ZNF451: variants seen among roughly 807,000 people sequenced by gnomAD.
ZNF451 encodes E3 SUMO-protein ligase ZNF451.
A neutral mutation model predicts 107.1 loss-of-function variants in ZNF451; 80 were observed. The ratio of observed to expected loss-of-function variants is 0.75; its 90% CI spans 0.62 to 0.90. ZNF451 has a LOEUF of 0.90. Among genes scored for constraint, ZNF451 ranks in the 40% least tolerant of loss-of-function variants. The pLI, the probability that ZNF451 is intolerant of heterozygous loss-of-function variation, is 0.00. For missense variants in ZNF451, 1,107 were observed against 1,236.2 expected (o/e 0.90, Z 1.57); for synonymous variants, 362 against 406.5 (o/e 0.89, Z 1.32).
chr6:57,100,895 C>G, intron 3 of ZNF451: 1 of 1,550,632 alleles, frequency 6.4e-7, no homozygotes, highest in Non-Finnish European at 8.7e-7. Context: ...TCTTTGGCCT[C>G]TTCTGAGGTC....
intron 12 of ZNF451, among the ~76,000 whole-genome samples, chr6:57,153,611 C>T (rs935996573): frequency 6.6e-6 from 1 of 152,036 alleles, no homozygotes; most frequent in Non-Finnish European, 1.5e-5. Flanking sequence ...CCGCGTTTCA[C>T]CATGTTGGCC....
intron 10 of ZNF451, among the ~76,000 whole-genome samples, chr6:57,150,331 T>C (rs1832285210): frequency 1.3e-5 from 2 of 152,228 alleles, no homozygotes; most frequent in African/African-American, 4.8e-5. Flanking sequence ...ATGTTCTTAA[T>C]AGGTAACCTT....
intron 14 of ZNF451, 24 bp from the exon 15 acceptor site, chr6:57,168,398 TA>T: frequency 1.9e-6 from 3 of 1,570,306 alleles, no homozygotes; most frequent in Non-Finnish European, 2.6e-6. Flanking sequence ...CCCTAAGTGT[TA>T]AAATTCTATG....
In ZNF451 at chr6:57,148,523, G is replaced by C. The variant is rs201540741; in HGVS notation, c.2438G>C (p.Cys813Ser). The change falls in exon 10 of 15, where the codon TGC becomes TCC. Residue 813 changes from cysteine to serine, a missense_variant. Cys to Ser is a moderately radical substitution (Grantham distance 112). Coordinates refer to ENST00000370706, the MANE Select transcript of ZNF451 (RefSeq NM_001031623.3). Reference sequence around the variant, plus strand: ...CAGCAGCATTTCCATAGAAAACATTGCTTCTTACAGAAACCCAGTGTGGCT... The same window carrying C: ...CAGCAGCATTTCCATAGAAAACATTCCTTCTTACAGAAACCCAGTGTGGCT... ...SAQQHFHRKH[C>S]FLQKPSVAHF... 73 of 1,613,994 alleles carry C rather than the reference G, an allele frequency of 4.5e-5. No homozygotes were observed. In the East Asian group the frequency reaches 1.6e-3, roughly 36 times the overall value.
intron 10 of ZNF451, 30 bp from the exon 11 acceptor site, chr6:57,150,689 G>A (rs781688465): frequency 6.4e-7 from 1 of 1,566,780 alleles, no homozygotes; most frequent in South Asian, 1.2e-5. Context: ...AATTCTTACT[G>A]AACTCATGTT....
rs1410778255 is a variant in ZNF451 at position 57,106,940 on chromosome 6, ATAT to A, written c.186+7804_186+7806del. Reference sequence around the variant, plus strand: ...ATATTGAGTTTTATAAACCATTAAAATATTATTTTATGAAATTTCCCTTCCTGG... The same window carrying A: ...ATATTGAGTTTTATAAACCATTAAAATATTTTATGAAATTTCCCTTCCTGG... On this transcript the variant is annotated intron_variant, in intron 3 of 14. Coordinates refer to ENST00000370706, the MANE Select transcript of ZNF451 (RefSeq NM_001031623.3). 1.7e-5 allele frequency: 16 copies of A among 928,372 alleles called. No individual in the cohort carries two copies. In the Admixed American group the frequency reaches 3.1e-4, roughly 18 times the overall value. The allele number at this position is 928,372 out of a possible 1,614,324, so 57.5% of individuals were successfully genotyped here. A position where few individuals can be genotyped will look rare whatever the true frequency, so the allele number is the denominator to read the frequency against.
chr6:57,154,074 C>A (rs748643088), intron 13 of ZNF451, 27 bp downstream of exon 13: 1 of 1,612,894 alleles, frequency 6.2e-7, no homozygotes, highest in South Asian at 1.1e-5. Context: ...ACAGTGCAAA[C>A]CACCCAAGAG....
chr6:57,159,174 CTG>C, intron 13 of ZNF451: 1 of 985,262 alleles, frequency 1.0e-6, no homozygotes. Flanking sequence ...ACGATTTTCT[CTG>C]TTCTTCTGAT....
chr6:57,135,941 A>T (rs1313701125), intron 7 of ZNF451, among the ~76,000 whole-genome samples: 1 of 152,200 alleles, frequency 6.6e-6, no homozygotes, highest in Non-Finnish European at 1.5e-5. Flanking sequence ...GGAAAGTAAC[A>T]TGGAGAATAG....
At chr6:57,112,900 ATTTC>A (rs764673902) in intron 3 of ZNF451, among the ~76,000 whole-genome samples, 2 of 152,226 alleles carry the variant, frequency 1.3e-5, no homozygotes, top group Non-Finnish European at 1.5e-5. Flanking sequence ...AATATAAGTC[ATTTC>A]TTTATCATTA....
Position 57,124,838 on chromosome 6 carries a change from A to G in ZNF451, c.291A>G (p.Glu97=). 2 of 1,609,774 alleles carry G rather than the reference A, an allele frequency of 1.2e-6. No individual in the cohort carries two copies. The highest frequency in any genetic ancestry group is 1.3e-5 in the African/African-American group (1 of 74,934). Residue 97 remains glutamate, a synonymous_variant, in exon 4 of 15, where the codon GAA becomes GAG. Coordinates refer to ENST00000370706, the MANE Select transcript of ZNF451 (RefSeq NM_001031623.3). ...TTGAAGTGGAGAAACAGCAGAAAGA[A>G]GAGAAGAATAGAGCATTCAGAGTAT... ...RHVEVEKQQK[E]EKNRAFREKI...
intron 4 of ZNF451, 58 bp downstream of exon 4, chr6:57,124,917 G>A: frequency 2.5e-6 from 3 of 1,196,146 alleles, no homozygotes; most frequent in East Asian, 3.1e-5. Flanking sequence ...TAATAAAGTT[G>A]GTAAAAAGCC....
At chr6:57,116,282 GGTGCTGTGGCTTACGCCACAGCA>G (rs944330615) in intron 3 of ZNF451, 1 of 152,134 alleles carries the variant, frequency 6.6e-6, no homozygotes, top group Non-Finnish European at 1.5e-5. Context: ...GTATGGGCAG[GGTGCTGTGGCTTACGCCACAGCA>G]CTTTGGAAGG....
Position 57,134,830 on chromosome 6 carries a change from T to G in ZNF451, c.662T>G (p.Phe221Cys), listed in dbSNP as rs1456111504. ...GCTTGTGTAGTATGTTATAAAAAAT[T>G]TGTTACTCAACAACAATATAGAGAT... ...SFACVVCYKK[F>C]VTQQQYRDHL... The change falls in exon 7 of 15, where the codon TTT (phenylalanine) becomes TGT (cysteine). Residue 221 changes from phenylalanine to cysteine, a missense_variant. Physicochemically the swap from Phe to Cys is radical, Grantham distance 205. This residue lies in a region of ZNF451 where 339 missense variants were observed against 372.8 expected (regional missense o/e 0.91). Transcript: ENST00000370706. 1 of 1,611,104 alleles carries G rather than the reference T, an allele frequency of 6.2e-7. No individual in the cohort carries two copies. The highest frequency in any genetic ancestry group is 1.7e-5 in the Admixed American group (1 of 59,988).
intron 3 of ZNF451, chr6:57,124,520 C>T (rs1264707486): frequency 4.2e-6 from 3 of 710,554 alleles, no homozygotes; most frequent in Non-Finnish European, 7.8e-6. Context: ...TGATAAATGT[C>T]CTAGCAGCTC....
At chr6:57,164,817 A>G (rs1763825205) in intron 14 of ZNF451, 1 of 152,332 alleles carries the variant, frequency 6.6e-6, no homozygotes, top group East Asian at 1.9e-4. Context: ...AGTAAATGAA[A>G]TTAAGGCAGA....
At chr6:57,130,306 A>G (rs1356976922) in intron 5 of ZNF451, among the ~76,000 whole-genome samples, 1 of 152,144 alleles carries the variant, frequency 6.6e-6, no homozygotes, top group African/African-American at 2.4e-5. Flanking sequence ...AATATGGTAA[A>G]TGGTTTTGCC....
Position 57,147,891 on chromosome 6 carries a change from G to A in ZNF451, c.1806G>A (p.Pro602=), listed in dbSNP as rs759616187. ...VIDHSPANSS[P]RGKWQCRICE... is the part of the protein sequence containing the mutation. ...ATCATTCCCCGGCAAATAGTTCTCC[G>A]AGGGGTAAATGGCAATGCCGGATTT... is the stretch of plus-strand genomic sequence containing the variant. Residue 602 remains proline (P), a synonymous_variant, in exon 10 of 15, where the codon CCG becomes CCA. Transcript: ENST00000370706. The A allele has an allele frequency of 3.7e-6, 6 of 1,614,012 alleles. No homozygotes were observed. The highest frequency in any genetic ancestry group is 5.1e-6 in the Non-Finnish European group (6 of 1,179,990).
chr6:57,119,279 C>G (rs1380679632), intron 3 of ZNF451, among the ~76,000 whole-genome samples: 1 of 152,156 alleles, frequency 6.6e-6, no homozygotes, highest in Non-Finnish European at 1.5e-5. Flanking sequence ...GTAATCCCAG[C>G]ACTTTGGGAG....
Sources: allele counts gnomAD v4.1 joint callset (sites outside exome capture counted in the v4.1 genomes callset), GRCh38; gene constraint gnomAD v4.1.1; regional missense constraint gnomAD v4.1.1; transcripts MANE v1.5; gene names NCBI Gene and HGNC (gene_info 2026-07-23, HGNC 2026-07-21).